Variants in LEKR1 observed in about 807,000 individuals in gnomAD.
The protein encoded by LEKR1 is leucine, glutamate and lysine rich 1.
In LEKR1, 59 loss-of-function variants were observed where a neutral mutation model predicts 72.4. The ratio of observed to expected loss-of-function variants is 0.82; its 90% CI spans 0.66 to 1.01. The LOEUF is 1.01. LEKR1 is among the 50% of genes least tolerant of loss of function. LEKR1 has a pLI of 0.00. For synonymous variants in LEKR1, 257 were observed against 263.2 expected (o/e 0.98, Z 0.23); for missense variants, 728 against 759.2 (o/e 0.96, Z 0.48).
chr3:156,997,503 G>A (rs1475781679), intron 9 of LEKR1, among the ~76,000 whole-genome samples: 2 of 152,206 alleles, frequency 1.3e-5, no homozygotes, highest in Non-Finnish European at 2.9e-5. Context: ...GTCTGGGTAG[G>A]GCCTAGGAAT....
intron 2 of LEKR1, among the ~76,000 whole-genome samples, chr3:156,852,015 G>A (rs188763154): frequency 1.3e-5 from 2 of 152,252 alleles, no homozygotes; most frequent in Admixed American, 1.3e-4. Context: ...TTTATCTGAA[G>A]GAAGGAAGAG....
At position 157,011,326 on chromosome 3, in the gene LEKR1, A is replaced by C; in HGVS notation, c.1110-87A>C. 5 of 847,082 alleles carry C rather than the reference A, an allele frequency of 5.9e-6. No individual in the cohort carries two copies. In the South Asian group the frequency reaches 7.0e-5, roughly 12 times the overall value. The allele number at this position is 847,082 out of a possible 1,614,324, so 52.5% of individuals were successfully genotyped here. A position where few individuals can be genotyped will look rare whatever the true frequency, so the allele number is the denominator to read the frequency against. ...AAGAAAATAAACAGACTAAGTTTTG[A>C]AGTAATATCTCCCGACCCAGGAACT... On this transcript the variant is annotated intron_variant, in intron 9 of 12. Coordinates refer to ENST00000356539, the MANE Select transcript of LEKR1 (RefSeq NM_001004316.3).
intron 3 of LEKR1, among the ~76,000 whole-genome samples, chr3:156,902,810 C>A (rs1377755538): frequency 6.6e-6 from 1 of 151,904 alleles, no homozygotes; most frequent in Non-Finnish European, 1.5e-5. Context: ...ATTATAAAAG[C>A]TTTCATAGCG....
In LEKR1 at chr3:156,864,254, C is replaced by T. The variant is rs556624285; in HGVS notation, c.263+11272C>T. ...ATGCCATGTTTGTTATGTCAGTCAT[C>T]CTTTGACAGTATCTTCAAGTCCCAT... On this transcript the variant is annotated intron_variant, in intron 3 of 12. Coordinates refer to ENST00000356539, the MANE Select transcript of LEKR1 (RefSeq NM_001004316.3). Among the ~76,000 whole-genome samples the T allele has an allele frequency of 4.6e-5, 7 of 152,032 alleles. 1 individual carries two copies. In the South Asian group the frequency reaches 1.4e-3, roughly 31 times the overall value.
At chr3:156,934,683 T>G (rs569152216) in intron 5 of LEKR1, among the ~76,000 whole-genome samples, 2 of 152,014 alleles carry the variant, frequency 1.3e-5, no homozygotes, top group East Asian at 3.8e-4. Context: ...TATAAAAACA[T>G]AGAAAATACA....
At position 157,028,725 on chromosome 3, in the gene LEKR1, G is replaced by C. The variant is rs559327962; in HGVS notation, c.1668+323G>C. On this transcript the variant is annotated intron_variant, in intron 12 of 12. Transcript: ENST00000356539. ...ATCTTTATATGTTTATGTCTTATTTGTTTTAACGTTAAATTGTTGCCAAAT... is the reference window on the plus strand; with the variant it reads ...ATCTTTATATGTTTATGTCTTATTTCTTTTAACGTTAAATTGTTGCCAAAT... Among the ~76,000 whole-genome samples, 27 of 152,130 alleles carry C rather than the reference G, an allele frequency of 1.8e-4. No homozygotes were observed. The South Asian group carries it at 5.6e-3, about 32-fold the overall frequency.
rs1216640314 is a variant in LEKR1 at position 157,045,358 on chromosome 3, A to T, written c.1687A>T (p.Thr563Ser). Residue 563 changes from threonine to serine, a missense_variant, in exon 13 of 13, where the codon ACA (threonine) becomes TCA (serine). Coordinates refer to ENST00000356539, the MANE Select transcript of LEKR1 (RefSeq NM_001004316.3). The stretch of plus-strand genomic sequence containing the variant: ...TTTTCAGAATACTTTTCTTCAGGAG[A>T]CAGTGCGTAGAGAATGTGAAGAACG... ...SQEENTFLQETVRRECEERFE... is the reference protein window; with the variant it reads ...SQEENTFLQESVRRECEERFE... The T allele has an allele frequency of 1.2e-6, 2 of 1,610,120 alleles. No individual in the cohort carries two copies. Among genetic ancestry groups the T allele is most frequent in the Admixed American group, 3.3e-5 (2 of 59,744 alleles).
chr3:157,011,331 A>G, intron 9 of LEKR1, 82 bp from the exon 10 acceptor site: 4 of 896,812 alleles, frequency 4.5e-6, no homozygotes, highest in Non-Finnish European at 7.4e-6. Context: ...TTTTGAAGTA[A>G]TATCTCCCGA....
chr3:156,874,661 G>T (rs1364066548), intron 3 of LEKR1, among the ~76,000 whole-genome samples: 2 of 152,056 alleles, frequency 1.3e-5, no homozygotes, highest in Non-Finnish European at 2.9e-5. Flanking sequence ...ACTGTACCCA[G>T]TGTGTAGTCT....
chr3:157,011,350 C>A, intron 9 of LEKR1, 63 bp from the exon 10 acceptor site: 1 of 1,135,178 alleles, frequency 8.8e-7, no homozygotes. Flanking sequence ...GACCCAGGAA[C>A]TACAACTTAG....
At chr3:156,854,545 C>T (rs382365) in intron 3 of LEKR1, among the ~76,000 whole-genome samples, 49,048 of 144,906 alleles carry the variant, frequency 0.34, 10,380 homozygotes, top group African/African-American at 0.61. Flanking sequence ...TCTTTCTTTC[C>T]TTTTTTTTTT....
At chr3:156,938,833 A>T (rs1169512465) in intron 5 of LEKR1, among the ~76,000 whole-genome samples, 1 of 152,192 alleles carries the variant, frequency 6.6e-6, no homozygotes, top group Admixed American at 6.6e-5. Flanking sequence ...AAGGTTATAG[A>T]GGTTTCCTAA....
intron 10 of LEKR1, among the ~76,000 whole-genome samples, chr3:157,020,747 A>G (rs1332338824): frequency 6.6e-6 from 1 of 152,038 alleles, no homozygotes; most frequent in Non-Finnish European, 1.5e-5. Flanking sequence ...ATACGTGTGC[A>G]TGTGTCTTTA....
chr3:156,860,998 T>C (rs928721555), intron 3 of LEKR1, among the ~76,000 whole-genome samples: 1 of 152,142 alleles, frequency 6.6e-6, no homozygotes, highest in Non-Finnish European at 1.5e-5. Flanking sequence ...AAAAACTTTT[T>C]CAGAAAGTTT....
intron 12 of LEKR1, among the ~76,000 whole-genome samples, chr3:157,040,898 T>G (rs1735296075): frequency 6.6e-6 from 1 of 152,166 alleles, no homozygotes; most frequent in African/African-American, 2.4e-5. Flanking sequence ...AACAATCAAG[T>G]TACACAGTAA....
intron 3 of LEKR1, among the ~76,000 whole-genome samples, chr3:156,860,193 C>A (rs1245257242): frequency 6.6e-6 from 1 of 151,970 alleles, no homozygotes; most frequent in African/African-American, 2.4e-5. Flanking sequence ...GTTTTTTAGT[C>A]AAATTAAATA....
In LEKR1 at chr3:157,011,514, T is replaced by A. The variant is rs1468697562; in HGVS notation, c.1203+8T>A. ...GATAACTGGAAGGAGAAGGTAATGG[T>A]AGTGTGGCTTTCATCAGCATGCAAC... is the stretch of plus-strand genomic sequence containing the variant. On this transcript the variant is annotated splice_region_variant and intron_variant, in intron 10 of 12. Coordinates refer to ENST00000356539, the MANE Select transcript of LEKR1 (RefSeq NM_001004316.3). The A allele has an allele frequency of 6.3e-7, 1 of 1,592,264 alleles. No individual in the cohort carries two copies. Among genetic ancestry groups the A allele is most frequent in the Non-Finnish European group, 8.6e-7 (1 of 1,160,490 alleles).
At chr3:156,981,126 C>T (rs1004736671) in intron 7 of LEKR1, among the ~76,000 whole-genome samples, 1 of 152,088 alleles carries the variant, frequency 6.6e-6, no homozygotes, top group East Asian at 1.9e-4. Flanking sequence ...TAGGCTATAT[C>T]GTATAGCCTA....
chr3:157,005,336 T>G (rs967773337), intron 9 of LEKR1, among the ~76,000 whole-genome samples: 4 of 152,096 alleles, frequency 2.6e-5, no homozygotes, highest in African/African-American at 7.2e-5. Context: ...AAAGAAAACT[T>G]CCAGCCCAGA....
Sources: allele counts gnomAD v4.1 joint callset (sites outside exome capture counted in the v4.1 genomes callset), GRCh38; gene constraint gnomAD v4.1.1; transcripts MANE v1.5; gene names NCBI Gene and HGNC (gene_info 2026-07-23, HGNC 2026-07-21).